KCNJ6: variants seen among roughly 807,000 people sequenced by gnomAD.
The protein encoded by KCNJ6 is G protein-activated inward rectifier potassium channel 2.
In KCNJ6, 9 loss-of-function variants were observed where a neutral mutation model predicts 34.2. The ratio of observed to expected loss-of-function variants is 0.26; its 90% CI spans 0.16 to 0.46. KCNJ6 has a LOEUF of 0.46. Ranked by LOEUF, KCNJ6 falls within the 20% of genes least tolerant of loss-of-function variation. KCNJ6 has a pLI of 1.00. For synonymous variants in KCNJ6, 196 were observed against 207.1 expected, an observed-to-expected ratio of 0.95 and a Z score of 0.46; for missense variants, 236 against 531.3, an observed-to-expected ratio of 0.44 and a Z score of 5.46.
chr21:37,636,715 T>C (rs1428026131), intron 3 of KCNJ6, among the ~76,000 whole-genome samples: 2 of 152,228 alleles, frequency 1.3e-5, no homozygotes, highest in Non-Finnish European at 2.9e-5. Context: ...GGGCAGGCCC[T>C]GCAAGATGGA....
chr21:37,673,143 A>G (rs993563669), intron 3 of KCNJ6, among the ~76,000 whole-genome samples: 5 of 152,388 alleles, frequency 3.3e-5, no homozygotes, highest in African/African-American at 1.2e-4. Context: ...GGAGACGGGG[A>G]CAGGTAAGAC....
At chr21:37,720,202 GC>G (rs1356212569) in intron 2 of KCNJ6, among the ~76,000 whole-genome samples, 1 of 151,670 alleles carries the variant, frequency 6.6e-6, no homozygotes, top group Admixed American at 6.6e-5. Context: ...AAAACAAATT[GC>G]CAAACAACAC....
chr21:37,747,775 CT>C (rs1228549255), intron 2 of KCNJ6, among the ~76,000 whole-genome samples: 2 of 152,188 alleles, frequency 1.3e-5, no homozygotes, highest in African/African-American at 2.4e-5. Flanking sequence ...AGATTCTCCC[CT>C]GGAAGGTGCA....
At chr21:37,686,437 G>A (rs1034248752) in intron 3 of KCNJ6, among the ~76,000 whole-genome samples, 3 of 146,162 alleles carry the variant, frequency 2.1e-5, no homozygotes, top group Non-Finnish European at 3.0e-5. Context: ...CAACCTCCAC[G>A]CATTCACTCT....
intron 3 of KCNJ6, among the ~76,000 whole-genome samples, chr21:37,648,336 T>G (rs898573698): frequency 1.3e-5 from 2 of 152,162 alleles, no homozygotes; most frequent in Non-Finnish European, 1.5e-5. Flanking sequence ...GAATGGCACC[T>G]GCTGGCTGAA....
intron 3 of KCNJ6, among the ~76,000 whole-genome samples, chr21:37,712,431 C>T (rs2054757872): frequency 6.6e-6 from 1 of 151,712 alleles, no homozygotes; most frequent in Admixed American, 6.6e-5. Flanking sequence ...TGAATTATTT[C>T]TCTTTCCTCC....
chr21:37,667,602 G>A (rs1709831), intron 3 of KCNJ6, among the ~76,000 whole-genome samples: 26,441 of 149,298 alleles, frequency 0.18, 2,601 homozygotes, highest in East Asian at 0.38. Flanking sequence ...AGGAGCCAGG[G>A]TAGCGGGGTC....
At chr21:37,859,531 A>ATATATATATATATATATATATAT (rs1491433754) in intron 1 of KCNJ6, among the ~76,000 whole-genome samples, 1 of 86,408 alleles carries the variant, frequency 1.2e-5, no homozygotes, top group African/African-American at 6.0e-5. Flanking sequence ...ATATATATAT[A>ATATATATATATATATATATATAT]AAATACTTAA....
Position 37,654,105 on chromosome 21 carries a change from GTT to G in KCNJ6, c.947-28623_947-28622del, listed in dbSNP as rs537326162. Among the ~76,000 whole-genome samples, 1,187 of 122,702 alleles carry G rather than the reference GTT, an allele frequency of 9.7e-3. 12 individuals carry two copies. Among genetic ancestry groups the G allele is most frequent in the African/African-American group, 0.031 (1,018 of 33,106 alleles). 80.5% of individuals were successfully genotyped at this position (122,702 alleles called of 152,430 possible). A position where few individuals can be genotyped will look rare whatever the true frequency, so the allele number is the denominator to read the frequency against. On this transcript the variant is annotated intron_variant, in intron 3 of 3. Transcript: ENST00000609713. ...CCAAGAAAAAAATTCCACTTTGTGGGTTTTTTTTTTTTTTTTTTTTTGGTGTG... is the reference window on the plus strand; with the variant it reads ...CCAAGAAAAAAATTCCACTTTGTGGGTTTTTTTTTTTTTTTTTTTGGTGTG...
chr21:37,899,414 T>C (rs2055805733), intron 1 of KCNJ6, among the ~76,000 whole-genome samples: 2 of 152,216 alleles, frequency 1.3e-5, no homozygotes, highest in Non-Finnish European at 2.9e-5. Flanking sequence ...CTTCTCGTTC[T>C]CTCTCACTCC....
At chr21:37,865,005 C>G (rs150538676) in intron 1 of KCNJ6, among the ~76,000 whole-genome samples, 1 of 152,096 alleles carries the variant, frequency 6.6e-6, no homozygotes, top group Non-Finnish European at 1.5e-5. Flanking sequence ...GTGCCTGGCC[C>G]AGAAAAAGAT....
At chr21:37,752,548 T>C (rs2055001595) in intron 2 of KCNJ6, among the ~76,000 whole-genome samples, 1 of 151,804 alleles carries the variant, frequency 6.6e-6, no homozygotes, top group Non-Finnish European at 1.5e-5. Flanking sequence ...GGAGAAACAA[T>C]GCAGGCAGAA....
At chr21:37,880,128 T>C (rs2055700361) in intron 1 of KCNJ6, among the ~76,000 whole-genome samples, 1 of 150,530 alleles carries the variant, frequency 6.6e-6, no homozygotes, top group African/African-American at 2.4e-5. Flanking sequence ...CCGAGTATGA[T>C]TGATAATTAC....
At chr21:37,904,011 G>A (rs949716731) in intron 1 of KCNJ6, among the ~76,000 whole-genome samples, 19 of 152,298 alleles carry the variant, frequency 1.2e-4, no homozygotes, top group African/African-American at 4.6e-4. Flanking sequence ...CCTTATTAAT[G>A]CAATGAAAAT....
At chr21:37,666,464 G>A (rs1020962067) in intron 3 of KCNJ6, among the ~76,000 whole-genome samples, 3 of 152,266 alleles carry the variant, frequency 2.0e-5, no homozygotes, top group African/African-American at 7.2e-5. Context: ...GCCTCTCTGA[G>A]ATGCAATTTC....
At chr21:37,896,557 G>A (rs559492061) in intron 1 of KCNJ6, among the ~76,000 whole-genome samples, 2 of 152,176 alleles carry the variant, frequency 1.3e-5, no homozygotes, top group African/African-American at 2.4e-5. Context: ...CTTGTGGGCC[G>A]TGAAGGTGCA....
rs145261551 is a variant in KCNJ6, at chr21:37,653,271, C to T, written c.947-27787G>A. ...TAAAGAAAGAAGTGAAGACAGGAAA[C>T]GATAATGAATTTGGAGTAAAATCAG... On this transcript the variant is annotated intron_variant, in intron 3 of 3. Coordinates refer to ENST00000609713, the MANE Select transcript of KCNJ6 (RefSeq NM_002240.5). 2.3e-3 allele frequency among the ~76,000 whole-genome samples: 350 copies of T among 152,200 alleles called. 1 individual carries two copies. The highest frequency in any genetic ancestry group is 8.0e-3 in the African/African-American group (331 of 41,534).
chr21:37,709,923 C>T (rs1271404081), intron 3 of KCNJ6, among the ~76,000 whole-genome samples: 3 of 152,206 alleles, frequency 2.0e-5, no homozygotes, highest in South Asian at 2.1e-4. Context: ...TGTTAACTCC[C>T]AGATGGCAAC....
At chr21:37,796,173 GC>G (rs1387125830) in intron 2 of KCNJ6, among the ~76,000 whole-genome samples, 1 of 152,172 alleles carries the variant, frequency 6.6e-6, no homozygotes, top group Non-Finnish European at 1.5e-5. Context: ...ATTTTTTATG[GC>G]CCTGCGTGGA....
Sources: allele counts gnomAD v4.1 joint callset (sites outside exome capture counted in the v4.1 genomes callset), GRCh38; gene constraint gnomAD v4.1.1; transcripts MANE v1.5; gene names NCBI Gene and HGNC (gene_info 2026-07-23, HGNC 2026-07-21).